Variants in LYN observed in about 807,000 individuals in gnomAD.
LYN encodes LYN proto-oncogene, Src family tyrosine kinase.
LYN carries 12 observed loss-of-function variants against 65.0 expected under a neutral mutation model. That is an observed-to-expected ratio of 0.18 (90% CI 0.12 to 0.30). LYN has a LOEUF of 0.30. Among genes scored for constraint, LYN ranks in the 10% least tolerant of loss-of-function variants. The probability of loss-of-function intolerance (pLI) is 1.00; values close to 1 mark genes in which losing one functional copy is unlikely to be tolerated. For synonymous variants in LYN, 222 were observed against 221.2 expected, an observed-to-expected ratio of 1.00 and a Z score of -0.03; for missense variants, 380 against 623.2, an observed-to-expected ratio of 0.61 and a Z score of 4.16.
At chr8:55,927,997 T>C (rs370939729) in intron 1 of LYN, among the ~76,000 whole-genome samples, 1 of 152,224 alleles carries the variant, frequency 6.6e-6, no homozygotes, top group Non-Finnish European at 1.5e-5. Flanking sequence ...CAAGACTGTC[T>C]TCCAGAATGG....
Position 56,012,221 on chromosome 8 carries a change from T to C in LYN, c.*2111T>C. ...CACAGTCTCCTTACTTAGCTATAGGTTTCCAGCCTCCCTGTGACAGACAGG... is the reference window on the plus strand; with the variant it reads ...CACAGTCTCCTTACTTAGCTATAGGCTTCCAGCCTCCCTGTGACAGACAGG... On this transcript the variant is annotated 3_prime_UTR_variant, in exon 13 of 13. Coordinates refer to ENST00000519728, the MANE Select transcript of LYN (RefSeq NM_002350.4). The C allele has an allele frequency of 5.5e-6, 1 of 181,948 alleles. No homozygotes were observed. 11.3% of individuals were successfully genotyped at this position (181,948 alleles called of 1,614,324 possible).
rs1808792246 is a variant in LYN, at chr8:56,010,733, A to AGTG, written c.*623_*624insGTG. On this transcript the variant is annotated 3_prime_UTR_variant, in exon 13 of 13. Coordinates refer to ENST00000519728, the MANE Select transcript of LYN (RefSeq NM_002350.4). ...TATGAACACTGCTCAGACCTGCTAG[A>AGTG]CATGCCATAGGAGTGGCGTGCACAT... 4.5e-6 allele frequency: 1 copy of AGTG among 223,118 alleles called. No homozygotes were observed. The highest frequency in any genetic ancestry group is 8.9e-6 in the Non-Finnish European group (1 of 112,110). 13.8% of individuals were successfully genotyped at this position (223,118 alleles called of 1,614,324 possible). A position where few individuals can be genotyped will look rare whatever the true frequency, so the allele number is the denominator to read the frequency against.
chr8:55,900,396 A>G (rs1286968771), intron 1 of LYN, among the ~76,000 whole-genome samples: 1 of 152,100 alleles, frequency 6.6e-6, no homozygotes, highest in Admixed American at 6.6e-5. Context: ...TTTTAGGGAT[A>G]GGATTTCATT....
At chr8:55,990,898 C>T (rs1808227751) in intron 10 of LYN, among the ~76,000 whole-genome samples, 1 of 152,118 alleles carries the variant, frequency 6.6e-6, no homozygotes, top group Admixed American at 6.5e-5. Flanking sequence ...AAACCTCATA[C>T]CCTGGGGAAA....
chr8:55,970,767 G>A (rs544696707), intron 10 of LYN, among the ~76,000 whole-genome samples: 7 of 152,132 alleles, frequency 4.6e-5, no homozygotes, highest in Non-Finnish European at 1.0e-4. Flanking sequence ...GGCTAAGCTG[G>A]CATTCAGCAC....
intron 9 of LYN, among the ~76,000 whole-genome samples, chr8:55,968,272 T>C (rs554561269): frequency 6.6e-6 from 1 of 152,140 alleles, no homozygotes; most frequent in African/African-American, 2.4e-5. Context: ...ATTTATTTTT[T>C]TGAGACAGAG....
At chr8:55,929,007 A>G (rs1218432882) in intron 1 of LYN, among the ~76,000 whole-genome samples, 4 of 152,150 alleles carry the variant, frequency 2.6e-5, no homozygotes, top group African/African-American at 9.7e-5. Flanking sequence ...ATTTACTTAC[A>G]TGTGGATATA....
At chr8:55,914,272 T>G (rs1441891412) in intron 1 of LYN, among the ~76,000 whole-genome samples, 2 of 151,824 alleles carry the variant, frequency 1.3e-5, no homozygotes, top group Non-Finnish European at 2.9e-5. Context: ...ACTCAGGCAC[T>G]AATCTAAGGG....
chr8:55,918,085 GTGGTAGC>G (rs1200809288), intron 1 of LYN, among the ~76,000 whole-genome samples: 7 of 152,194 alleles, frequency 4.6e-5, no homozygotes, highest in Admixed American at 3.3e-4. Context: ...GGTCTGGGCT[GTGGTAGC>G]GGCAGCAGCA....
chr8:55,939,462 A>AAGAGAGAGAGAGAGAGAGAG lies in LYN; in HGVS notation c.-5-2387_-5-2368dup, dbSNP rs111951441. ...TTTCCGTCCTTCCTTTTCCCAAGAGAAGAGAGAGAGAGAGAGAGAGAGAGA... is the reference window on the plus strand; with the variant it reads ...TTTCCGTCCTTCCTTTTCCCAAGAGAAGAGAGAGAGAGAGAGAGAGAGAGAGAGAGAGAGAGAGAGAGAGA... On this transcript the variant is annotated intron_variant, in intron 1 of 12. Coordinates refer to ENST00000519728, the MANE Select transcript of LYN (RefSeq NM_002350.4). Among the ~76,000 whole-genome samples the AAGAGAGAGAGAGAGAGAGAG allele has an allele frequency of 5.0e-3, 736 of 148,288 alleles. 9 individuals carry two copies. The highest frequency in any genetic ancestry group is 0.018 in the African/African-American group (699 of 39,546).
chr8:55,915,637 C>T (rs1365235233), intron 1 of LYN, among the ~76,000 whole-genome samples: 2 of 152,058 alleles, frequency 1.3e-5, no homozygotes, highest in African/African-American at 2.4e-5. Context: ...ACCCAGGAGG[C>T]GGAGGTTGCA....
chr8:55,987,342 A>T (rs1298568292), intron 10 of LYN, among the ~76,000 whole-genome samples: 2 of 150,308 alleles, frequency 1.3e-5, no homozygotes, highest in African/African-American at 4.9e-5. Context: ...CCGGAGGTGG[A>T]GGTTACAGTG....
At chr8:55,928,898 T>C (rs1806186755) in intron 1 of LYN, among the ~76,000 whole-genome samples, 1 of 152,128 alleles carries the variant, frequency 6.6e-6, no homozygotes, top group Non-Finnish European at 1.5e-5. Context: ...AGGAGTTTTA[T>C]AGTTTTTTGT....
chr8:55,928,956 T>A (rs903191733), intron 1 of LYN, among the ~76,000 whole-genome samples: 2 of 152,204 alleles, frequency 1.3e-5, no homozygotes, highest in Admixed American at 1.3e-4. Context: ...TTGTAATAGA[T>A]GTAAGATCCG....
chr8:55,889,789 G>T (rs570763269), intron 1 of LYN, among the ~76,000 whole-genome samples: 34 of 152,128 alleles, frequency 2.2e-4, no homozygotes, highest in Non-Finnish European at 4.3e-4. Flanking sequence ...TTAATTTCAT[G>T]TGGGGGCTGA....
chr8:55,930,405 G>A (rs1806228183), intron 1 of LYN, among the ~76,000 whole-genome samples: 1 of 152,140 alleles, frequency 6.6e-6, no homozygotes, highest in Non-Finnish European at 1.5e-5. Context: ...CTGAATATGG[G>A]TGGCTGGATT....
chr8:55,903,685 TATGTATG>T (rs1160563480), intron 1 of LYN, among the ~76,000 whole-genome samples: 1 of 152,246 alleles, frequency 6.6e-6, no homozygotes, highest in Non-Finnish European at 1.5e-5. Context: ...ACTTGTTACC[TATGTATG>T]ATTAACCTGG....
chr8:55,916,751 A>C (rs543529361), intron 1 of LYN, among the ~76,000 whole-genome samples: 1 of 152,362 alleles, frequency 6.6e-6, no homozygotes, highest in African/African-American at 2.4e-5. Context: ...CATGCCCAAT[A>C]CTGCAATGGC....
At chr8:55,982,575 G>C in intron 10 of LYN, among the ~76,000 whole-genome samples, 1 of 152,062 alleles carries the variant, frequency 6.6e-6, no homozygotes, top group Non-Finnish European at 1.5e-5. Context: ...CCATCAGACT[G>C]TGCCAGTCTG....
Sources: allele counts gnomAD v4.1 joint callset (sites outside exome capture counted in the v4.1 genomes callset), GRCh38; gene constraint gnomAD v4.1.1; transcripts MANE v1.5; gene names NCBI Gene and HGNC (gene_info 2026-07-23, HGNC 2026-07-21).